Variants in PPP1R9A observed in about 807,000 individuals in gnomAD.
PPP1R9A encodes neurabin-1.
PPP1R9A carries 59 observed loss-of-function variants against 141.9 expected under a neutral mutation model. The ratio of observed to expected loss-of-function variants is 0.42; its 90% confidence interval spans 0.34 to 0.52. The LOEUF (loss-of-function observed/expected upper bound fraction) is 0.52. Ranked by LOEUF, PPP1R9A falls within the 20% of genes least tolerant of loss-of-function variation. The pLI is 0.10. For missense variants in PPP1R9A, 1,444 were observed against 1,611.9 expected, an observed-to-expected ratio of 0.90 and a Z score of 1.78; for synonymous variants, 500 against 569.7, an observed-to-expected ratio of 0.88 and a Z score of 1.74.
intron 7 of PPP1R9A, among the ~76,000 whole-genome samples, chr7:95,208,778 A>G (rs1563419622): frequency 1.3e-5 from 2 of 151,982 alleles, no homozygotes; most frequent in African/African-American, 4.8e-5. Context: ...CACTAAGAAA[A>G]CTGACTACAT....
At chr7:95,105,447 G>A (rs1197293062) in intron 2 of PPP1R9A, among the ~76,000 whole-genome samples, 1 of 152,142 alleles carries the variant, frequency 6.6e-6, no homozygotes, top group African/African-American at 2.4e-5. Flanking sequence ...TGTTTCCTTT[G>A]ATCGAGAAAC....
chr7:95,218,374 G>T (rs1347808492), intron 7 of PPP1R9A, among the ~76,000 whole-genome samples: 1 of 151,978 alleles, frequency 6.6e-6, no homozygotes, highest in African/African-American at 2.4e-5. Flanking sequence ...TGCTCAGGAG[G>T]GCTTTACTTC....
chr7:95,033,758 T>C lies in PPP1R9A; in HGVS notation c.1396-77501T>C, dbSNP rs150244202. On this transcript the variant is annotated intron_variant, in intron 2 of 19. Coordinates refer to ENST00000433360, the MANE Select transcript of PPP1R9A (RefSeq NM_001166160.2). ...ACATCTAGTGGTCTCAATATTGTCA[T>C]TGAAAAGTCTGTCCTTTTTCTGCTT... Among the ~76,000 whole-genome samples the C allele has an allele frequency of 7.2e-3, 1,095 of 152,246 alleles. 7 individuals are homozygous for C. The highest frequency in any genetic ancestry group is 0.01 in the Middle Eastern group (3 of 294).
chr7:95,153,181 GA>G (rs1829028028), intron 4 of PPP1R9A, among the ~76,000 whole-genome samples: 1 of 152,032 alleles, frequency 6.6e-6, no homozygotes. Context: ...GTCTTCAAGT[GA>G]CAAGAATGAG....
chr7:95,069,930 G>C (rs1373441683), intron 2 of PPP1R9A, among the ~76,000 whole-genome samples: 1 of 152,058 alleles, frequency 6.6e-6, no homozygotes, highest in Non-Finnish European at 1.5e-5. Flanking sequence ...ACTATATGCT[G>C]TTCATGTTGT....
intron 12 of PPP1R9A, among the ~76,000 whole-genome samples, chr7:95,261,128 G>A (rs1350744625): frequency 6.6e-6 from 1 of 152,214 alleles, no homozygotes. Context: ...TATATGAAGT[G>A]TTGCCCTGGG....
chr7:94,997,269 C>A (rs1239027160), intron 2 of PPP1R9A, among the ~76,000 whole-genome samples: 1 of 151,500 alleles, frequency 6.6e-6, no homozygotes, highest in Non-Finnish European at 1.5e-5. Context: ...ATTTTTGGGT[C>A]TGTTCTAGTC....
chr7:95,150,109 C>T (rs1481786869), intron 4 of PPP1R9A, among the ~76,000 whole-genome samples: 1 of 146,908 alleles, frequency 6.8e-6, no homozygotes, highest in Non-Finnish European at 1.5e-5. Context: ...AGAGAAAATA[C>T]AGTCTTTTCA....
Position 95,030,865 on chromosome 7 carries a change from A to G in PPP1R9A, c.1396-80394A>G, listed in dbSNP as rs768075749. On this transcript the variant is annotated intron_variant, in intron 2 of 19. Coordinates refer to ENST00000433360, the MANE Select transcript of PPP1R9A (RefSeq NM_001166160.2). ...CCAAATATTTAACAACCTATGTGGC[A>G]TAGGCACCAAGGATTCAGGACTGGA... Among the ~76,000 whole-genome samples the G allele has an allele frequency of 5.4e-4, 83 of 152,326 alleles. 1 individual carries two copies. The highest frequency in any genetic ancestry group is 1.8e-3 in the Admixed American group (28 of 15,302).
intron 2 of PPP1R9A, among the ~76,000 whole-genome samples, chr7:94,966,500 T>G (rs1246838397): frequency 6.6e-6 from 1 of 152,200 alleles, no homozygotes; most frequent in Non-Finnish European, 1.5e-5. Flanking sequence ...CATCAATGCT[T>G]AGTTTACTGA....
intron 7 of PPP1R9A, among the ~76,000 whole-genome samples, chr7:95,223,464 G>T (rs911603647): frequency 1.3e-5 from 2 of 151,848 alleles, no homozygotes; most frequent in Non-Finnish European, 2.9e-5. Flanking sequence ...TCTTGATATT[G>T]AAAATCTCCT....
chr7:95,122,146 A>ATTT (rs1273220292), intron 4 of PPP1R9A, among the ~76,000 whole-genome samples: 2 of 133,902 alleles, frequency 1.5e-5, no homozygotes, highest in Admixed American at 7.5e-5. Flanking sequence ...CCAGAGCACC[A>ATTT]TTTTTTTTTT....
At chr7:95,089,582 C>A (rs1030497997) in intron 2 of PPP1R9A, among the ~76,000 whole-genome samples, 5 of 152,006 alleles carry the variant, frequency 3.3e-5, no homozygotes, top group African/African-American at 1.2e-4. Flanking sequence ...GATGGCTGCA[C>A]TTGCCTCACA....
intron 5 of PPP1R9A, among the ~76,000 whole-genome samples, chr7:95,193,845 G>A (rs1218477323): frequency 2.6e-5 from 4 of 151,816 alleles, no homozygotes; most frequent in Admixed American, 2.0e-4. Context: ...CTTTCTCCCC[G>A]AATTGTAGTT....
chr7:94,919,347 A>G (rs1792502045), intron 2 of PPP1R9A, among the ~76,000 whole-genome samples: 1 of 116,836 alleles, frequency 8.6e-6, no homozygotes, highest in South Asian at 2.5e-4. Flanking sequence ...GTCTTGCTAT[A>G]TTGTCTAGGC....
intron 16 of PPP1R9A, among the ~76,000 whole-genome samples, chr7:95,274,781 G>A (rs369535431): frequency 1.3e-5 from 2 of 152,194 alleles, no homozygotes; most frequent in African/African-American, 4.8e-5. Context: ...TTTGTATAGG[G>A]AGTCAGTAAA....
intron 8 of PPP1R9A, among the ~76,000 whole-genome samples, chr7:95,245,686 C>T (rs1329757624): frequency 3.3e-5 from 5 of 152,164 alleles, no homozygotes; most frequent in East Asian, 3.9e-4. Context: ...ATTGAGAAAA[C>T]TTGTGATTAG....
At chr7:95,247,669 T>C in intron 9 of PPP1R9A, 143 bp downstream of exon 9, 1 of 618,936 alleles carries the variant, frequency 1.6e-6, no homozygotes, top group East Asian at 3.0e-5. Context: ...GTCAGGTACG[T>C]AGACAAACCT....
intron 2 of PPP1R9A, among the ~76,000 whole-genome samples, chr7:95,097,526 CT>C (rs1818203052): frequency 6.6e-6 from 1 of 152,184 alleles, no homozygotes; most frequent in South Asian, 2.1e-4. Flanking sequence ...TTAAGTGCTA[CT>C]GTTCTTTTAG....
Sources: gnomAD v4.1 joint callset for allele counts (sites outside exome capture counted in the v4.1 genomes callset) on GRCh38, gnomAD v4.1.1 for gene constraint, MANE v1.5 for transcripts, NCBI Gene and HGNC (gene_info 2026-07-23, HGNC 2026-07-21) for gene names.